Variants in KCNQ5 observed in about 807,000 individuals in gnomAD.
The protein encoded by KCNQ5 is potassium voltage-gated channel subfamily KQT member 5.
Under a neutral mutation model 98.2 loss-of-function variants are expected in KCNQ5, and 30 were observed. That is an observed-to-expected ratio of 0.31 (90% CI 0.23 to 0.41). The LOEUF is 0.41. KCNQ5 is among the 10% of genes least tolerant of loss of function. KCNQ5 has a pLI of 1.00. For synonymous variants in KCNQ5, 458 were observed against 449.4 expected, an observed-to-expected ratio of 1.02 and a Z score of -0.24; for missense variants, 835 against 1,182.5, an observed-to-expected ratio of 0.71 and a Z score of 4.31.
chr6:73,001,180 A>G (rs1539348), intron 1 of KCNQ5, among the ~76,000 whole-genome samples: 74,947 of 151,808 alleles, frequency 0.49, 22,059 homozygotes, highest in Non-Finnish European at 0.65. Flanking sequence ...ACCTTTCCCA[A>G]CTAAATAGAA....
intron 10 of KCNQ5, among the ~76,000 whole-genome samples, chr6:73,152,688 G>C (rs1777199848): frequency 6.6e-6 from 1 of 152,026 alleles, no homozygotes; most frequent in Non-Finnish European, 1.5e-5. Context: ...AGACTAGAAG[G>C]GTGACTGGAG....
chr6:72,938,484 AT>A (rs1766054219), intron 1 of KCNQ5, among the ~76,000 whole-genome samples: 1 of 151,952 alleles, frequency 6.6e-6, no homozygotes, highest in East Asian at 1.9e-4. Flanking sequence ...GGTTCAAGCA[AT>A]TTTCCTGCCT....
chr6:72,780,726 G>A (rs951926291), intron 1 of KCNQ5, among the ~76,000 whole-genome samples: 1 of 152,064 alleles, frequency 6.6e-6, no homozygotes, highest in Non-Finnish European at 1.5e-5. Flanking sequence ...TAACATGTAA[G>A]GTTTTAAATA....
chr6:73,134,565 C>A (rs913586663), intron 10 of KCNQ5, among the ~76,000 whole-genome samples: 4 of 152,350 alleles, frequency 2.6e-5, no homozygotes, highest in Admixed American at 6.5e-5. Flanking sequence ...GTCCCTGGAA[C>A]CGCAGTCCAC....
chr6:73,021,723 T>C (rs982212740), intron 2 of KCNQ5, among the ~76,000 whole-genome samples: 1 of 152,188 alleles, frequency 6.6e-6, no homozygotes, highest in Non-Finnish European at 1.5e-5. Context: ...GTTCAATGCC[T>C]CCATGGAGAC....
chr6:72,823,926 T>G (rs1775871472), intron 1 of KCNQ5, among the ~76,000 whole-genome samples: 1 of 152,214 alleles, frequency 6.6e-6, no homozygotes, highest in Non-Finnish European at 1.5e-5. Context: ...TACATTTGTG[T>G]AAGATTACCC....
chr6:72,898,949 T>C (rs191395000), intron 1 of KCNQ5, among the ~76,000 whole-genome samples: 1 of 152,312 alleles, frequency 6.6e-6, no homozygotes, highest in African/African-American at 2.4e-5. Flanking sequence ...TTTCTTCATA[T>C]GTTTGTTGGC....
intron 1 of KCNQ5, among the ~76,000 whole-genome samples, chr6:72,919,300 T>C (rs1429893641): frequency 6.6e-6 from 1 of 152,196 alleles, no homozygotes; most frequent in Non-Finnish European, 1.5e-5. Flanking sequence ...AAAGAACTCA[T>C]GGGAGAGACA....
intron 7 of KCNQ5, among the ~76,000 whole-genome samples, chr6:73,115,045 C>T (rs1248837591): frequency 3.3e-5 from 5 of 151,858 alleles, no homozygotes; most frequent in Admixed American, 2.0e-4. Flanking sequence ...GACTCATGCC[C>T]GTAATCCCAG....
rs79762770 is a variant in KCNQ5 at position 72,890,062 on chromosome 6, G to A, written c.399-113846G>A. Among the ~76,000 whole-genome samples the A allele has an allele frequency of 9.3e-3, 1,390 of 150,246 alleles. 15 individuals are homozygous for A. Among genetic ancestry groups the A allele is most frequent in the African/African-American group, 0.032 (1,324 of 41,128 alleles). On this transcript the variant is annotated intron_variant, in intron 1 of 13. Transcript: ENST00000370398. ...GAGCAGTCACAGTGCCCTCTGCCCA[G>A]GAGGGCAGGATTAGCTTTGAAGCAG...
intron 1 of KCNQ5, among the ~76,000 whole-genome samples, chr6:72,717,959 C>T (rs769697750): frequency 1.8e-4 from 27 of 152,288 alleles, no homozygotes; most frequent in Admixed American, 3.3e-4. Flanking sequence ...GAGTCTTCCA[C>T]GGTATGACCT....
At chr6:72,800,635 C>T (rs984040625) in intron 1 of KCNQ5, among the ~76,000 whole-genome samples, 1 of 152,144 alleles carries the variant, frequency 6.6e-6, no homozygotes, top group African/African-American at 2.4e-5. Flanking sequence ...TTCAGTTCTG[C>T]TCTGATTTTA....
intron 1 of KCNQ5, among the ~76,000 whole-genome samples, chr6:72,830,269 T>TA (rs1231386591): frequency 1.3e-5 from 2 of 152,164 alleles, no homozygotes; most frequent in African/African-American, 4.8e-5. Context: ...AGAGCCTGCA[T>TA]TGCCAAGACA....
chr6:72,734,011 A>G (rs1242511025), intron 1 of KCNQ5, among the ~76,000 whole-genome samples: 1 of 152,204 alleles, frequency 6.6e-6, no homozygotes, highest in African/African-American at 2.4e-5. Context: ...GGGACAAGGA[A>G]GGACAAGAGA....
chr6:73,016,593 TAGAGCAG>T (rs1392872382), intron 2 of KCNQ5, among the ~76,000 whole-genome samples: 1 of 152,096 alleles, frequency 6.6e-6, no homozygotes, highest in Non-Finnish European at 1.5e-5. Flanking sequence ...TAGAATGGAC[TAGAGCAG>T]AGAGTAATAG....
At chr6:72,640,908 A>T (rs2098926860) in intron 1 of KCNQ5, 1 of 152,148 alleles carries the variant, frequency 6.6e-6, no homozygotes, top group African/African-American at 2.4e-5. Flanking sequence ...GAATATTGAC[A>T]TTCATTTTAA....
intron 1 of KCNQ5, among the ~76,000 whole-genome samples, chr6:72,689,265 A>G (rs920767713): frequency 7.2e-5 from 11 of 152,346 alleles, no homozygotes; most frequent in African/African-American, 2.4e-4. Flanking sequence ...ACAAGGGGGC[A>G]GTGACTAAGG....
chr6:73,044,585 C>A (rs1381220983), intron 3 of KCNQ5, among the ~76,000 whole-genome samples: 2 of 152,148 alleles, frequency 1.3e-5, no homozygotes, highest in East Asian at 3.9e-4. Flanking sequence ...ATTTAACCTA[C>A]ACAAAGGAAT....
chr6:72,959,339 A>G (rs1267665908), intron 1 of KCNQ5, among the ~76,000 whole-genome samples: 2 of 152,168 alleles, frequency 1.3e-5, no homozygotes, highest in African/African-American at 2.4e-5. Context: ...ACCAACTTTC[A>G]TATTTGGGCA....
Sources: gnomAD v4.1 joint callset for allele counts (sites outside exome capture counted in the v4.1 genomes callset) on GRCh38, gnomAD v4.1.1 for gene constraint, MANE v1.5 for transcripts, NCBI Gene and HGNC (gene_info 2026-07-23, HGNC 2026-07-21) for gene names.